The following VWF variants were observed in gnomAD, a reference collection of about 807,000 sequenced individuals.
VWF encodes the protein von Willebrand factor, also known as Factor VIII related antigen.
In VWF, 176 loss-of-function variants were observed where a neutral mutation model predicts 308.6. That is an observed-to-expected ratio of 0.57 (90% CI 0.50 to 0.65). The LOEUF (loss-of-function observed/expected upper bound fraction) is 0.65. Ranked by LOEUF, VWF falls within the 30% of genes least tolerant of loss-of-function variation. VWF has a pLI of 0.00. For synonymous variants in VWF, 1,385 were observed against 1,443.4 expected, an observed-to-expected ratio of 0.96 and a Z score of 0.92; for missense variants, 3,146 against 3,648.2, an observed-to-expected ratio of 0.86 and a Z score of 3.55.
chr12:6,115,014 G>A (rs1945347456), intron 3 of VWF, among the ~76,000 whole-genome samples: 1 of 152,230 alleles, frequency 6.6e-6, no homozygotes, highest in Non-Finnish European at 1.5e-5. Flanking sequence ...CACAGCCGGA[G>A]CAGGGGAGTG....
chr12:6,080,838 C>T (rs372633397), intron 6 of VWF, among the ~76,000 whole-genome samples: 4 of 152,322 alleles, frequency 2.6e-5, no homozygotes, highest in Middle Eastern at 6.8e-3. Context: ...CCTGCCTGCG[C>T]GAAGTTCTCA....
chr12:5,982,526 T>C (rs1242068186), intron 41 of VWF, among the ~76,000 whole-genome samples: 2 of 152,140 alleles, frequency 1.3e-5, no homozygotes, highest in African/African-American at 4.8e-5. Context: ...CCTGTGTCCT[T>C]TGCCTGTTTC....
At chr12:6,108,334 T>TATATACACACAC (rs374693235) in intron 5 of VWF, among the ~76,000 whole-genome samples, 6,522 of 123,944 alleles carry the variant, frequency 0.053, 199 homozygotes, top group African/African-American at 0.075. Context: ...AAGAAATATA[T>TATATACACACAC]ACACACACAC....
In VWF at chr12:6,075,871, G is replaced by A. The variant is rs143197074; in HGVS notation, c.658-320C>T. 3.9e-5 allele frequency among the ~76,000 whole-genome samples: 6 copies of A among 152,304 alleles called. No homozygotes were observed. The highest frequency in any genetic ancestry group is 1.3e-4 in the Admixed American group (2 of 15,302). On this transcript the variant is annotated intron_variant, in intron 6 of 51. Transcript: ENST00000261405. The surrounding 1 kb of genome is among the most constrained non-coding windows in gnomAD (Gnocchi z 4.7). ...ATGGAGAGAAGCACAAAGAGCATGCGCCCTGGAGTTGGCCTGGGTGGCTGC... is the reference window on the plus strand; with the variant it reads ...ATGGAGAGAAGCACAAAGAGCATGCACCCTGGAGTTGGCCTGGGTGGCTGC...
At chr12:6,099,218 G>A (rs1352797349) in intron 5 of VWF, among the ~76,000 whole-genome samples, 2 of 151,418 alleles carry the variant, frequency 1.3e-5, no homozygotes, top group Admixed American at 1.3e-4. Flanking sequence ...TACTCAGGAG[G>A]CTGAGGCAGA....
At chr12:6,036,952 G>C (rs896043028) in intron 18 of VWF, among the ~76,000 whole-genome samples, 47 of 152,146 alleles carry the variant, frequency 3.1e-4, no homozygotes, top group African/African-American at 1.1e-3. Flanking sequence ...AAAAAAATTG[G>C]AAACACTTAA....
chr12:6,095,437 C>T (rs1306796170), intron 6 of VWF, 23 bp downstream of exon 6: 25 of 1,613,926 alleles, frequency 1.5e-5, no homozygotes, highest in Non-Finnish European at 1.9e-5. Flanking sequence ...CATCCAGGTG[C>T]ACCCAGGCCA....
intron 16 of VWF, among the ~76,000 whole-genome samples, chr12:6,047,342 T>A (rs1392017581): frequency 1.3e-5 from 2 of 152,170 alleles, no homozygotes; most frequent in Non-Finnish European, 2.9e-5. Flanking sequence ...GTAGTGAGTC[T>A]CAAACACACC....
At position 6,103,441 on chromosome 12, in the gene VWF, T is replaced by A. The variant is rs1379836887; in HGVS notation, c.532+6933A>T. Among the ~76,000 whole-genome samples, 6 of 113,020 alleles carry A rather than the reference T, an allele frequency of 5.3e-5. 1 individual carries two copies. The highest frequency in any genetic ancestry group is 2.5e-4 in the African/African-American group (6 of 24,202). The allele number at this position is 113,020 out of a possible 152,430, so 74.1% of individuals were successfully genotyped here. A position where few individuals can be genotyped will look rare whatever the true frequency, so the allele number is the denominator to read the frequency against. On this transcript the variant is annotated intron_variant, in intron 5 of 51. Transcript: ENST00000261405. Reference sequence around the variant, plus strand: ...GTGTGTGTATACACACGTGTGTATATACATACACATATATGTGTATATACA... The same window carrying A: ...GTGTGTGTATACACACGTGTGTATAAACATACACATATATGTGTATATACA...
chr12:6,080,949 C>A (rs576719436), intron 6 of VWF, among the ~76,000 whole-genome samples: 3 of 152,320 alleles, frequency 2.0e-5, no homozygotes, highest in African/African-American at 4.8e-5. Context: ...ATCATGCACA[C>A]CAGTGGGTGG....
intron 5 of VWF, among the ~76,000 whole-genome samples, chr12:6,102,596 G>A (rs972090811): frequency 4.7e-5 from 7 of 150,184 alleles, no homozygotes; most frequent in African/African-American, 1.2e-4. Context: ...TTAGCCAGGC[G>A]TGGTGGCAGG....
At chr12:5,963,932 G>A (rs1213654331) in intron 47 of VWF, among the ~76,000 whole-genome samples, 1 of 152,312 alleles carries the variant, frequency 6.6e-6, no homozygotes, top group Non-Finnish European at 1.5e-5. Flanking sequence ...AAGCAGCCAG[G>A]CGCAGTGGCT....
At chr12:5,967,725 C>T (rs1212345346) in intron 46 of VWF, 123 bp from the exon 47 acceptor site, 3 of 878,006 alleles carry the variant, frequency 3.4e-6, no homozygotes, top group South Asian at 2.7e-5. Flanking sequence ...TCTGCTGCTC[C>T]TCCTGTCTCC....
chr12:6,110,709 T>G (rs1474878406), intron 4 of VWF, 127 bp from the exon 5 acceptor site: 1 of 1,313,920 alleles, frequency 7.6e-7, no homozygotes, highest in East Asian at 2.3e-5. Context: ...AGGACCTAGA[T>G]CAGCAATCGG....
chr12:6,036,628 G>A, intron 18 of VWF, 137 bp from the exon 19 acceptor site: 1 of 820,140 alleles, frequency 1.2e-6, no homozygotes, highest in East Asian at 2.7e-5. Flanking sequence ...CAGGACCAGG[G>A]CTGAGCCAGG....
chr12:5,981,894 C>G lies in VWF; in HGVS notation c.7179G>C (p.Glu2393Asp), dbSNP rs1403529326. Residue 2393 changes from glutamate (E) to aspartate (D), a missense_variant, in exon 42 of 52, where the codon GAG (glutamate) becomes GAC (aspartate). By Grantham distance (45) the Glu-to-Asp change is conservative. Around this residue, in one of 3 missense-constraint regions of VWF, gnomAD observed 989 missense variants for 1,117.4 expected, o/e 0.89. Coordinates refer to ENST00000261405, the MANE Select transcript of VWF (RefSeq NM_000552.5). ...TGGAGTTGACACAGTTGCAGGCACA[C>G]TCATACTCATCACAGCACTGGGTCT... is the stretch of plus-strand genomic sequence containing the variant. ...LRKTQCCDEY[E>D]CACNCVNSTV... 1.2e-6 allele frequency: 2 copies of G among 1,611,570 alleles called. No individual in the cohort carries two copies. Among genetic ancestry groups the G allele is most frequent in the Admixed American group, 3.3e-5 (2 of 59,898 alleles).
chr12:6,036,639 G>C, intron 18 of VWF, 148 bp from the exon 19 acceptor site: 1 of 784,232 alleles, frequency 1.3e-6, no homozygotes, highest in East Asian at 2.7e-5. Context: ...CTGAGCCAGG[G>C]GGACAGCTTC....
At position 6,071,274 on chromosome 12, in the gene VWF, A is replaced by G. The variant is rs769613681; in HGVS notation, c.1156+23T>C. 2.5e-6 allele frequency: 4 copies of G among 1,613,906 alleles called. No individual in the cohort carries two copies. The Admixed American group carries it at 5.0e-5, about 20-fold the overall frequency. On this transcript the variant is annotated intron_variant, in intron 10 of 51. Coordinates refer to ENST00000261405, the MANE Select transcript of VWF (RefSeq NM_000552.5). ...CTCCCCGATTCAGGGAAGGAGGAAG[A>G]GAATGAGCGGCAGGTCGCCTACCTG... is the stretch of plus-strand genomic sequence containing the variant.
intron 19 of VWF, among the ~76,000 whole-genome samples, chr12:6,035,550 GTGAA>G (rs1944326478): frequency 6.6e-6 from 1 of 152,170 alleles, no homozygotes; most frequent in Non-Finnish European, 1.5e-5. Flanking sequence ...CAAAGGCAGG[GTGAA>G]TGAGCAGGGT....
Sources: gnomAD v4.1 joint callset for allele counts (sites outside exome capture counted in the v4.1 genomes callset) on GRCh38, gnomAD v4.1.1 for gene constraint, gnomAD v4.1.1 regional missense constraint, Gnocchi (gnomAD v3.1) non-coding constraint, MANE v1.5 for transcripts, NCBI Gene and HGNC (gene_info 2026-07-23, HGNC 2026-07-21) for gene names.